Variants in VAMP7 observed in about 807,000 individuals in gnomAD.
VAMP7 encodes vesicle-associated membrane protein 7.
A neutral mutation model predicts 29.6 loss-of-function variants in VAMP7; 14 were observed. The observed-to-expected ratio is 0.47, with a 90% CI of 0.31 to 0.74. VAMP7 has a LOEUF of 0.74. Ranked by LOEUF, VAMP7 falls within the 30% of genes least tolerant of loss-of-function variation. The pLI, the probability that VAMP7 is intolerant of heterozygous loss-of-function variation, is 0.05. For missense variants in VAMP7, 223 were observed against 262.4 expected (o/e 0.85, Z 1.04); for synonymous variants, 95 against 88.1 (o/e 1.08, Z -0.44).
intron 3 of VAMP7, 89 bp downstream of exon 3, chrX:155,895,769 C>T (rs1311018684): frequency 2.0e-5 from 23 of 1,152,240 alleles, no homozygotes; most frequent in Non-Finnish European, 2.8e-5. Context: ...GTCCCCAACC[C>T]CCAGGCTGCA....
chrX:155,895,068 T>C (rs1043665663), intron 2 of VAMP7, among the ~76,000 whole-genome samples: 1 of 152,212 alleles, frequency 6.6e-6, no homozygotes, highest in African/African-American at 2.4e-5. Context: ...CACCATGTAC[T>C]GCCTTTAACT....
Position 155,939,685 on chromosome X carries a change from C to T in VAMP7, c.502-16C>T, listed in dbSNP as rs368009633. 2 of 1,600,288 alleles carry T rather than the reference C, an allele frequency of 1.2e-6. No homozygotes were observed. The highest frequency in any genetic ancestry group is 1.3e-5 in the African/African-American group (1 of 74,592). The stretch of plus-strand genomic sequence containing the variant: ...AGTCAGTGCCAGGGGTTAAACAATT[C>T]TCGCCTCTTTTCTAGTCTGTCACCT... On this transcript the variant is annotated splice_polypyrimidine_tract_variant and intron_variant, in intron 6 of 7. Coordinates refer to ENST00000286448, the MANE Select transcript of VAMP7 (RefSeq NM_005638.6).
intron 1 of VAMP7, among the ~76,000 whole-genome samples, chrX:155,887,546 G>A (rs760744770): frequency 6.6e-6 from 1 of 152,200 alleles, no homozygotes; most frequent in Non-Finnish European, 1.5e-5. Context: ...ATGGTTTTCT[G>A]GAGTTTTAAG....
At chrX:155,934,876 G>C (rs1321789428) in intron 6 of VAMP7, among the ~76,000 whole-genome samples, 1 of 89,596 alleles carries the variant, frequency 1.1e-5, no homozygotes, top group African/African-American at 5.4e-5. Flanking sequence ...TCCTTCAGGA[G>C]CTCTTGTAAG....
intron 5 of VAMP7, among the ~76,000 whole-genome samples, chrX:155,908,584 G>C (rs1397600916): frequency 7.1e-6 from 1 of 139,984 alleles, no homozygotes; most frequent in Non-Finnish European, 1.5e-5. Flanking sequence ...GGGAGAGGGA[G>C]AGGGAGAGCC....
At chrX:155,928,802 T>C (rs1487828346) in intron 6 of VAMP7, among the ~76,000 whole-genome samples, 1 of 152,222 alleles carries the variant, frequency 6.6e-6, no homozygotes, top group Non-Finnish European at 1.5e-5. Context: ...AGATGGTTTG[T>C]CAGTGTTCAG....
chrX:155,919,739 T>C (rs1302967020), intron 5 of VAMP7, 74 bp from the exon 6 acceptor site: 32 of 1,316,536 alleles, frequency 2.4e-5, no homozygotes, highest in Non-Finnish European at 3.4e-5. Context: ...TTAAGTTATA[T>C]TACTTTTTTA....
chrX:155,905,333 A>T (rs767095051), intron 5 of VAMP7, among the ~76,000 whole-genome samples: 1 of 152,222 alleles, frequency 6.6e-6, no homozygotes, highest in South Asian at 2.1e-4. Flanking sequence ...CCCTTATCAG[A>T]TACATGATTT....
intron 6 of VAMP7, among the ~76,000 whole-genome samples, chrX:155,921,279 G>A (rs2066392939): frequency 6.6e-6 from 1 of 150,428 alleles, no homozygotes; most frequent in South Asian, 2.1e-4. Flanking sequence ...ATTGTATCAA[G>A]TGTACAACTT....
At chrX:155,925,143 C>G (rs1264940384) in intron 6 of VAMP7, among the ~76,000 whole-genome samples, 2 of 152,134 alleles carry the variant, frequency 1.3e-5, no homozygotes, top group Non-Finnish European at 2.9e-5. Flanking sequence ...AGTCTTGAAC[C>G]CCTCAAAGTA....
In VAMP7 at chrX:155,912,041, A is replaced by C. The variant is rs2066244759; in HGVS notation, c.434-7772A>C. ...GGGCTTCCTTCCAGTACTATGTTGA[A>C]TAGGAGTGGTGAGAGTTTTCCATTT... On this transcript the variant is annotated intron_variant, in intron 5 of 7. Coordinates refer to ENST00000286448, the MANE Select transcript of VAMP7 (RefSeq NM_005638.6). Among the ~76,000 whole-genome samples, 11 of 152,152 alleles carry C rather than the reference A, an allele frequency of 7.2e-5. No homozygotes were observed. In the South Asian group the frequency reaches 2.3e-3, roughly 32 times the overall value.
At chrX:155,911,497 T>C in intron 5 of VAMP7, among the ~76,000 whole-genome samples, 1 of 152,148 alleles carries the variant, frequency 6.6e-6, no homozygotes, top group East Asian at 1.9e-4. Flanking sequence ...AAAATGACAT[T>C]GGTACTTCGA....
intron 2 of VAMP7, among the ~76,000 whole-genome samples, chrX:155,890,164 A>T (rs2065910631): frequency 2.0e-5 from 3 of 151,970 alleles, no homozygotes; most frequent in Admixed American, 2.0e-4. Flanking sequence ...TAGGGCGGGC[A>T]TATTTAGGGA....
rs779159901 is a variant in VAMP7, at chrX:155,925,319, G to A, written c.501+5439G>A. Among the ~76,000 whole-genome samples the A allele has an allele frequency of 5.3e-5, 8 of 152,246 alleles. No individual in the cohort carries two copies. In the South Asian group the frequency reaches 1.7e-3, roughly 32 times the overall value. On this transcript the variant is annotated intron_variant, in intron 6 of 7. Coordinates refer to ENST00000286448, the MANE Select transcript of VAMP7 (RefSeq NM_005638.6). ...ATCCATCAGAGGAATCATTATCTAT[G>A]GCAGCTATACTAAATGTTTTTCTTA...
chrX:155,889,887 GA>G (rs35086060), intron 2 of VAMP7, among the ~76,000 whole-genome samples: 152,258 of 152,258 alleles, frequency 1, 76,129 homozygotes, highest in Non-Finnish European at 1. Flanking sequence ...TGTGATATGT[GA>G]AAATAATTCA....
At chrX:155,941,834 A>G (rs200648785) in intron 7 of VAMP7, 49 bp from the exon 8 acceptor site, 3 of 1,584,842 alleles carry the variant, frequency 1.9e-6, no homozygotes, top group Non-Finnish European at 2.6e-6. Flanking sequence ...ATTATTTAGA[A>G]TAATATGATT....
chrX:155,897,999 C>T (rs2066008638), intron 3 of VAMP7, 113 bp from the exon 4 acceptor site: 2 of 1,340,566 alleles, frequency 1.5e-6, no homozygotes, highest in Non-Finnish European at 2.0e-6. Flanking sequence ...GCTAGTTCCT[C>T]CTCAGATAAT....
chrX:155,934,690 G>A (rs1462194419), intron 6 of VAMP7, among the ~76,000 whole-genome samples: 3 of 152,028 alleles, frequency 2.0e-5, no homozygotes, highest in Non-Finnish European at 4.4e-5. Context: ...GGAGCATTTA[G>A]CCCATTTACA....
At chrX:155,932,807 G>C (rs187413176) in intron 6 of VAMP7, among the ~76,000 whole-genome samples, 1 of 151,992 alleles carries the variant, frequency 6.6e-6, no homozygotes, top group Non-Finnish European at 1.5e-5. Flanking sequence ...GAATGCTTCC[G>C]GTTTTTGCCC....
Sources: allele counts gnomAD v4.1 joint callset (sites outside exome capture counted in the v4.1 genomes callset), GRCh38; gene constraint gnomAD v4.1.1; transcripts MANE v1.5; gene names NCBI Gene and HGNC (gene_info 2026-07-23, HGNC 2026-07-21).